TERT: variants seen among roughly 807,000 people sequenced by gnomAD.
The protein encoded by TERT is telomerase reverse transcriptase, also known as telomerase catalytic subunit.
In TERT, 42 loss-of-function variants were observed where a neutral mutation model predicts 104.0. That is an observed-to-expected ratio of 0.40 (90% CI 0.32 to 0.52). The LOEUF (loss-of-function observed/expected upper bound fraction) is 0.52, where lower values mean the gene tolerates loss of function less well. TERT is among the 20% of genes least tolerant of loss of function. TERT has a pLI of 0.43. For synonymous variants in TERT, 781 were observed against 725.6 expected, an observed-to-expected ratio of 1.08 and a Z score of -1.23; for missense variants, 1,101 against 1,610.3, an observed-to-expected ratio of 0.68 and a Z score of 5.41.
Position 1,266,390 on chromosome 5 carries a change from G to A in TERT, c.2654+74C>T, listed in dbSNP as rs1748602815. On this transcript the variant is annotated intron_variant, in intron 10 of 15. Coordinates refer to ENST00000310581, the MANE Select transcript of TERT (RefSeq NM_198253.3). ...CAGAGACAACGCTGCGGTGCCAGGG[G>A]CAGGACACGGGGGGCTCAACTGCAA... 2.3e-6 allele frequency: 3 copies of A among 1,287,156 alleles called. No homozygotes were observed. The East Asian group carries it at 7.4e-5, about 32-fold the overall frequency. 79.7% of individuals were successfully genotyped at this position (1,287,156 alleles called of 1,614,324 possible). A position where few individuals can be genotyped will look rare whatever the true frequency, so the allele number is the denominator to read the frequency against.
intron 15 of TERT, 111 bp from the exon 16 acceptor site, chr5:1,253,942 G>T: frequency 8.2e-7 from 1 of 1,213,072 alleles, no homozygotes; most frequent in Non-Finnish European, 1.2e-6. Flanking sequence ...TCGTGGCCCT[G>T]GCTGGTGGGA....
At position 1,261,678 on chromosome 5, in the gene TERT, G is replaced by A. The variant is rs974231476; in HGVS notation, c.2844-1078C>T. ...CACATGCATTTCTTTGACGCTGCTGGTAGGACCTTCCCAAGTGTGCATCAG... is the reference window on the plus strand; with the variant it reads ...CACATGCATTTCTTTGACGCTGCTGATAGGACCTTCCCAAGTGTGCATCAG... On this transcript the variant is annotated intron_variant, in intron 11 of 15. Coordinates refer to ENST00000310581, the MANE Select transcript of TERT (RefSeq NM_198253.3). This position sits in a 1 kb window ranked among gnomAD's most constrained non-coding sequence, Gnocchi z 7.4. Among the ~76,000 whole-genome samples, 5 of 152,196 alleles carry A rather than the reference G, an allele frequency of 3.3e-5. No individual in the cohort carries two copies. Among genetic ancestry groups the A allele is most frequent in the Admixed American group, 1.3e-4 (2 of 15,282 alleles).
chr5:1,260,703 T>G (rs1748172388), intron 11 of TERT, 103 bp from the exon 12 acceptor site: 1 of 1,542,068 alleles, frequency 6.5e-7, no homozygotes, highest in African/African-American at 1.4e-5. Context: ...CCCGCTTCCT[T>G]GTCCTGCCTG....
rs552162436 is a variant in TERT at position 1,270,848 on chromosome 5, C to T, written c.2468+271G>A. Among the ~76,000 whole-genome samples the T allele has an allele frequency of 2.8e-4, 42 of 152,344 alleles. No homozygotes were observed. Among genetic ancestry groups the T allele is most frequent in the African/African-American group, 6.5e-4 (27 of 41,578 alleles). On this transcript the variant is annotated intron_variant, in intron 8 of 15. Coordinates refer to ENST00000310581, the MANE Select transcript of TERT (RefSeq NM_198253.3). The surrounding 1 kb of genome is among the most constrained non-coding windows in gnomAD (Gnocchi z 8.3). ...TGACCCAGACACACCCCCCGCCCCT[C>T]GTCCTCCACGCAGGAGCAACTCCAC...
chr5:1,282,289 G>A, intron 3 of TERT, 140 bp downstream of exon 3: 1 of 819,358 alleles, frequency 1.2e-6, no homozygotes, highest in Non-Finnish European at 2.1e-6. Context: ...ACTTGGACCA[G>A]GCCTGTGACG....
At chr5:1,291,579 C>A (rs1199000059) in intron 2 of TERT, among the ~76,000 whole-genome samples, 5 of 126,352 alleles carry the variant, frequency 4.0e-5, no homozygotes, top group Admixed American at 7.8e-5. Context: ...ACTCACCCTG[C>A]ACGTGACAGG....
At position 1,258,661 on chromosome 5, in the gene TERT, T is replaced by TGCAAATCCAGAAACAGGCTGTGACACTTC; in HGVS notation, c.2971-3_2971-2insGAAGTGTCACAGCCTGTTTCTGGATTTGC. ...GCACACCGTCTGGAGGCTGTTCACC[T>TGCAAATCCAGAAACAGGCTGTGACACTTC]AGAGTCGCCAAGAAAGAGTGAGAAA... On this transcript the variant is annotated splice_region_variant and splice_polypyrimidine_tract_variant and intron_variant, in intron 12 of 15. Coordinates refer to ENST00000310581, the MANE Select transcript of TERT (RefSeq NM_198253.3). 1 of 1,565,860 alleles carries TGCAAATCCAGAAACAGGCTGTGACACTTC rather than the reference T, an allele frequency of 6.4e-7. No homozygotes were observed. Among genetic ancestry groups the TGCAAATCCAGAAACAGGCTGTGACACTTC allele is most frequent in the South Asian group, 1.2e-5 (1 of 85,074 alleles).
Position 1,292,552 on chromosome 5 carries a change from G to A in TERT, c.1573+761C>T, listed in dbSNP as rs750404983. On this transcript the variant is annotated intron_variant, in intron 2 of 15. Transcript: ENST00000310581. This position sits in a 1 kb window ranked among gnomAD's most constrained non-coding sequence, Gnocchi z 5.5. ...TTAAAGACAGAGTTTCACTCTTGTC[G>A]CCCAGGCTGGAGTACAATGGCACAA... Among the ~76,000 whole-genome samples, 2 of 151,476 alleles carry A rather than the reference G, an allele frequency of 1.3e-5. No individual in the cohort carries two copies. The highest frequency in any genetic ancestry group is 2.4e-5 in the African/African-American group (1 of 41,144).
intron 15 of TERT, among the ~76,000 whole-genome samples, 197 bp from the exon 16 acceptor site, chr5:1,254,028 G>A (rs985376655): frequency 2.6e-5 from 4 of 152,332 alleles, no homozygotes; most frequent in African/African-American, 9.6e-5. Flanking sequence ...GCGGCGGGGC[G>A]GGGAGAGAAC....
intron 3 of TERT, 130 bp from the exon 4 acceptor site, chr5:1,280,468 C>T: frequency 1.9e-6 from 2 of 1,053,618 alleles, no homozygotes; most frequent in Non-Finnish European, 1.4e-6. Flanking sequence ...CGCTGAAGGC[C>T]ATGCCCGGGG....
At chr5:1,278,341 T>A (rs1327587134) in intron 6 of TERT, among the ~76,000 whole-genome samples, 2 of 151,402 alleles carry the variant, frequency 1.3e-5, no homozygotes, top group Non-Finnish European at 2.9e-5. Context: ...ACACCACAAA[T>A]AGGCACATCA....
chr5:1,260,432 C>T (rs1242955330), intron 12 of TERT, 42 bp downstream of exon 12: 44 of 1,612,778 alleles, frequency 2.7e-5, no homozygotes, highest in Non-Finnish European at 3.6e-5. Context: ...GCGCACACAC[C>T]TCCTGAACTC....
chr5:1,264,057 G>A (rs1381466405), intron 11 of TERT, among the ~76,000 whole-genome samples: 1 of 152,084 alleles, frequency 6.6e-6, no homozygotes. Flanking sequence ...ATGCCCAGCA[G>A]GGCCCCTGTG....
intron 3 of TERT, among the ~76,000 whole-genome samples, chr5:1,281,094 A>G (rs1561204466): frequency 6.6e-6 from 1 of 152,190 alleles, no homozygotes. Context: ...AGTAGTGACA[A>G]GGAGCATCTT....
In TERT at chr5:1,292,918, A is replaced by C. The variant is rs1751083529; in HGVS notation, c.1573+395T>G. ...CCAGGAAGAGGGGGTTCTCGTCCCC[A>C]CCTCTCATTCCCACCCTTGAAATTG... is the stretch of plus-strand genomic sequence containing the variant. On this transcript the variant is annotated intron_variant, in intron 2 of 15. Transcript: ENST00000310581. The surrounding 1 kb of genome is among the most constrained non-coding windows in gnomAD (Gnocchi z 5.5). Among the ~76,000 whole-genome samples the C allele has an allele frequency of 6.6e-6, 1 of 152,106 alleles. No homozygotes were observed. Among genetic ancestry groups the C allele is most frequent in the Non-Finnish European group, 1.5e-5 (1 of 67,996 alleles).
chr5:1,284,931 A>G (rs1750375742), intron 2 of TERT, among the ~76,000 whole-genome samples: 1 of 149,838 alleles, frequency 6.7e-6, no homozygotes, highest in South Asian at 2.1e-4. Context: ...AGCTCACCGC[A>G]GGGCCTGGTG....
At chr5:1,289,479 A>G (rs35252439) in intron 2 of TERT, among the ~76,000 whole-genome samples, 21 of 12,642 alleles carry the variant, frequency 1.7e-3, no homozygotes, top group Admixed American at 4.4e-3. Context: ...CACTCACCCT[A>G]CACGTGACAG....
chr5:1,290,792 G>A (rs371631115), intron 2 of TERT, among the ~76,000 whole-genome samples: 3 of 50,188 alleles, frequency 6.0e-5, no homozygotes, highest in African/African-American at 1.1e-4. Flanking sequence ...CACGTGACAG[G>A]GACACCCGGG....
At chr5:1,278,906 A>G in intron 5 of TERT, 110 bp from the exon 6 acceptor site, 1 of 1,427,044 alleles carries the variant, frequency 7.0e-7, no homozygotes, top group Non-Finnish European at 9.8e-7. Context: ...TCTGACCCCC[A>G]CCACTCCAGA....
Sources: gnomAD v4.1 joint callset for allele counts (sites outside exome capture counted in the v4.1 genomes callset) on GRCh38, gnomAD v4.1.1 for gene constraint, Gnocchi (gnomAD v3.1) non-coding constraint, MANE v1.5 for transcripts, NCBI Gene and HGNC (gene_info 2026-07-23, HGNC 2026-07-21) for gene names.